KIF26A: variants seen among roughly 807,000 people sequenced by gnomAD.
The protein encoded by KIF26A is kinesin family member 26A.
Under a neutral mutation model 126.0 loss-of-function variants are expected in KIF26A, and 74 were observed. The ratio of observed to expected loss-of-function variants is 0.59; its 90% CI spans 0.49 to 0.71. The LOEUF (loss-of-function observed/expected upper bound fraction) is 0.71, where lower values mean the gene tolerates loss of function less well. Among genes scored for constraint, KIF26A ranks in the 30% least tolerant of loss-of-function variants. The probability of loss-of-function intolerance (pLI) is 0.00; values close to 1 mark genes in which losing one functional copy is unlikely to be tolerated. For synonymous variants in KIF26A, 1,445 were observed against 1,232.7 expected (o/e 1.17, Z -3.61); for missense variants, 2,984 against 2,763.3 (o/e 1.08, Z -1.79).
chr14:104,157,878 A>G lies in KIF26A; in HGVS notation c.859A>G (p.Thr287Ala). The stretch of plus-strand genomic sequence containing the variant: ...TGGAGTCTGCACGTCAGCCCTGGTC[A>G]CCCCCACCCCGGGCTCGGTGGGGGG... The part of the protein sequence containing the change: ...RGGVCTSALV[T>A]PTPGSVGGST... The change falls in exon 4 of 15, where the codon ACC becomes GCC. Residue 287 changes from threonine to alanine, a missense_variant. Thr to Ala is a moderately conservative substitution (Grantham distance 58, BLOSUM62 0). Coordinates refer to ENST00000423312, the MANE Select transcript of KIF26A (RefSeq NM_015656.2). The G allele has an allele frequency of 6.4e-7, 1 of 1,574,672 alleles. No individual in the cohort carries two copies. Among genetic ancestry groups the G allele is most frequent in the Non-Finnish European group, 8.6e-7 (1 of 1,158,320 alleles).
In KIF26A at chr14:104,177,599, C is replaced by T. The variant is rs1223203679; in HGVS notation, c.4811C>T (p.Pro1604Leu). 12 of 1,531,032 alleles carry T rather than the reference C, an allele frequency of 7.8e-6. No individual in the cohort carries two copies. The highest frequency in any genetic ancestry group is 1.0e-5 in the Non-Finnish European group (12 of 1,143,692). The allele number at this position is 1,531,032 out of a possible 1,614,324, so 94.8% of individuals were successfully genotyped here. ...SGVNVGEERP[P>L]TGPALPSPYS... ...GTGAACGTGGGGGAGGAGCGGCCAC[C>T]CACGGGCCCGGCCCTGCCCTCCCCC... Residue 1604 changes from proline (P) to leucine (L), a missense_variant, in exon 12 of 15, where the codon CCC becomes CTC. Transcript: ENST00000423312.
Position 104,176,281 on chromosome 14 carries a change from A to G in KIF26A, c.3493A>G (p.Arg1165Gly). The change falls in exon 12 of 15, where the codon AGA (arginine) becomes GGA (glycine). Residue 1165 changes from arginine to glycine, a missense_variant. Physicochemically the swap from Arg to Gly is moderately radical, Grantham distance 125. Coordinates refer to ENST00000423312, the MANE Select transcript of KIF26A (RefSeq NM_015656.2). ...AAGCTCTGGGTTCCTGGGGCCAGAC[A>G]GACCTGACAGTCCTGGGCCAACCTG... ...DGSSGFLGPD[R>G]PDSPGPTWGP... is the part of the protein sequence containing the mutation. The G allele has an allele frequency of 6.3e-7, 1 of 1,590,864 alleles. No homozygotes were observed. The highest frequency in any genetic ancestry group is 1.7e-5 in the Admixed American group (1 of 58,182).
intron 4 of KIF26A, among the ~76,000 whole-genome samples, chr14:104,161,552 A>G (rs199779080): frequency 1.3e-4 from 20 of 152,356 alleles, no homozygotes; most frequent in East Asian, 3.9e-4. Flanking sequence ...GCCAGGGCCA[A>G]TGAGCCCAGG....
chr14:104,179,171 G>C, intron 13 of KIF26A, 65 bp from the exon 14 acceptor site: 4 of 1,404,826 alleles, frequency 2.8e-6, no homozygotes, highest in Non-Finnish European at 3.7e-6. Context: ...GGCCACATCA[G>C]GGCTGCTTGG....
At position 104,170,103 on chromosome 14, in the gene KIF26A, G is replaced by C. The variant is rs542366473; in HGVS notation, c.1114-1620G>C. Among the ~76,000 whole-genome samples the C allele has an allele frequency of 2.0e-5, 3 of 152,306 alleles. No homozygotes were observed. In the South Asian group the frequency reaches 6.2e-4, roughly 32 times the overall value. On this transcript the variant is annotated intron_variant, in intron 5 of 14. Coordinates refer to ENST00000423312, the MANE Select transcript of KIF26A (RefSeq NM_015656.2). ...GTGGAAAGGGTGGCCGGCAGACGTA[G>C]AGAGCCAAACCGTGAGCCTCTCCAC...
intron 3 of KIF26A, among the ~76,000 whole-genome samples, chr14:104,155,214 G>T (rs2037765504): frequency 6.6e-6 from 1 of 152,186 alleles, no homozygotes; most frequent in South Asian, 2.1e-4. Flanking sequence ...ACCCAGTGAG[G>T]TGTTTATCTG....
chr14:104,175,834 A>G lies in KIF26A; in HGVS notation c.3046A>G (p.Thr1016Ala), dbSNP rs747266055. 7 of 1,538,384 alleles carry G rather than the reference A, an allele frequency of 4.6e-6. No homozygotes were observed. In the East Asian group the frequency reaches 1.7e-4, roughly 38 times the overall value. The change falls in exon 12 of 15, where the codon ACC (threonine) becomes GCC (alanine). Residue 1016 changes from threonine to alanine, a missense_variant. Coordinates refer to ENST00000423312, the MANE Select transcript of KIF26A (RefSeq NM_015656.2). Reference sequence around the variant, plus strand: ...CTGTCCGGAGCGGGGCCTGCTCACCACCACAGTGACCCTGCAGCGGCCAGT... The same window carrying G: ...CTGTCCGGAGCGGGGCCTGCTCACCGCCACAGTGACCCTGCAGCGGCCAGT... ...SRCPERGLLT[T>A]TVTLQRPVEL...
At position 104,173,445 on chromosome 14, in the gene KIF26A, G is replaced by T. The variant is rs763559397; in HGVS notation, c.1799G>T (p.Arg600Leu). ...SRAGCGEDAR[R>L]SSHMLFTLHV... ...GCGGGCTGTGGCGAGGACGCCCGAC[G>T]CAGCTCCCACATGTTGTTCACGCTG... Residue 600 changes from arginine (R) to leucine (L), a missense_variant, in exon 9 of 15, where the codon CGC becomes CTC. Arg to Leu is a moderately radical substitution (Grantham distance 102). Transcript: ENST00000423312. 1.6e-5 allele frequency: 26 copies of T among 1,587,674 alleles called. No individual in the cohort carries two copies. Among genetic ancestry groups the T allele is most frequent in the Non-Finnish European group, 2.1e-5 (25 of 1,167,202 alleles).
chr14:104,172,016 G>C, intron 6 of KIF26A, 81 bp downstream of exon 6: 1 of 1,315,472 alleles, frequency 7.6e-7, no homozygotes, highest in Non-Finnish European at 1.1e-6. Context: ...ATCTGCGCCC[G>C]CTTCTCCGTG....
At position 104,139,282 on chromosome 14, in the gene KIF26A, C is replaced by A; in HGVS notation, c.282C>A (p.Thr94=). The change falls in exon 2 of 15, where the codon ACC becomes ACA. Residue 94 remains threonine (T), a synonymous_variant. Coordinates refer to ENST00000423312, the MANE Select transcript of KIF26A (RefSeq NM_015656.2). ...AWKLVSGPGT[T]LRDPCLSALL... ...AGCTGGTCAGCGGGCCCGGGACCAC[C>A]CTCCGGGTAAGTGACACTTCCTTAG... 1 of 1,507,854 alleles carries A rather than the reference C, an allele frequency of 6.6e-7. No individual in the cohort carries two copies. Among genetic ancestry groups the A allele is most frequent in the East Asian group, 2.6e-5 (1 of 38,864 alleles). The allele number at this position is 1,507,854 out of a possible 1,614,324, so 93.4% of individuals were successfully genotyped here. A position where few individuals can be genotyped will look rare whatever the true frequency, so the allele number is the denominator to read the frequency against.
intron 4 of KIF26A, among the ~76,000 whole-genome samples, chr14:104,165,365 T>A (rs1352815477): frequency 6.8e-6 from 1 of 146,392 alleles, no homozygotes; most frequent in African/African-American, 2.7e-5. Context: ...CGTCTGTGTG[T>A]CCCTGTGTGC....
At chr14:104,173,985 C>T (rs1299782121) in intron 10 of KIF26A, 117 bp downstream of exon 10, 4 of 1,412,816 alleles carry the variant, frequency 2.8e-6, no homozygotes, top group Non-Finnish European at 3.8e-6. Context: ...TTTGCTCCTC[C>T]ACCACCTGAC....
intron 3 of KIF26A, among the ~76,000 whole-genome samples, chr14:104,157,314 C>T (rs755094156): frequency 4.6e-5 from 7 of 152,158 alleles, no homozygotes; most frequent in South Asian, 2.1e-4. Context: ...AAATAGTTAT[C>T]GTGGTTTCTT....
rs375537598 is a variant in KIF26A, at chr14:104,175,607, C to A, written c.2819C>A (p.Ala940Glu). ...GAGCTGCTGGTCCCGGAAAAGGCTG[C>A]AGTGAGTGGAGGCAGGAGGCCACTG... ...WPELLVPEKA[A>E]VSGGRRPLPS... The change falls in exon 12 of 15, where the codon GCA becomes GAA. Residue 940 changes from alanine to glutamate, a missense_variant. By Grantham distance (107) the Ala-to-Glu change is moderately radical. Coordinates refer to ENST00000423312, the MANE Select transcript of KIF26A (RefSeq NM_015656.2). 1 of 1,610,808 alleles carries A rather than the reference C, an allele frequency of 6.2e-7. No individual in the cohort carries two copies. The highest frequency in any genetic ancestry group is 8.5e-7 in the Non-Finnish European group (1 of 1,179,730).
chr14:104,167,122 G>A, intron 5 of KIF26A, 74 bp downstream of exon 5: 1 of 1,375,442 alleles, frequency 7.3e-7, no homozygotes, highest in Non-Finnish European at 9.5e-7. Context: ...GAGGGGTGAG[G>A]GAGTGGAGGG....
At position 104,177,523 on chromosome 14, in the gene KIF26A, G is replaced by A; in HGVS notation, c.4735G>A (p.Gly1579Ser). ...ELSASGAPGR[G>S]GSSWGSADSD... ...GTCAGCCAGTGGAGCCCCGGGCCGA[G>A]GTGGCTCCTCGTGGGGCTCGGCGGA... The change falls in exon 12 of 15, where the codon GGT (glycine) becomes AGT (serine). Residue 1579 changes from glycine (G) to serine (S), a missense_variant. Transcript: ENST00000423312. The A allele has an allele frequency of 1.3e-6, 2 of 1,536,296 alleles. No individual in the cohort carries two copies. Among genetic ancestry groups the A allele is most frequent in the Non-Finnish European group, 8.7e-7 (1 of 1,146,740 alleles).
Position 104,175,988 on chromosome 14 carries a change from C to A in KIF26A, c.3200C>A (p.Ala1067Asp). 1 of 1,580,410 alleles carries A rather than the reference C, an allele frequency of 6.3e-7. No homozygotes were observed. Among genetic ancestry groups the A allele is most frequent in the Non-Finnish European group, 8.5e-7 (1 of 1,169,858 alleles). ...FDSDCSLRALASGSRPVSIIS... is the reference protein window; with the variant it reads ...FDSDCSLRALDSGSRPVSIIS... ...AGTGACTGCTCCCTGCGGGCCCTGGCCTCGGGGTCCCGGCCAGTCAGCATC... is the reference window on the plus strand; with the variant it reads ...AGTGACTGCTCCCTGCGGGCCCTGGACTCGGGGTCCCGGCCAGTCAGCATC... Residue 1067 changes from alanine to aspartate, a missense_variant, in exon 12 of 15, where the codon GCC (alanine) becomes GAC (aspartate). Transcript: ENST00000423312.
Position 104,151,158 on chromosome 14 carries a change from C to T in KIF26A, c.289-857C>T, listed in dbSNP as rs538308421. The stretch of plus-strand genomic sequence containing the variant: ...GTGGCTTGTCTCCTTCTTGCTCCTC[C>T]TCCTCTTCCTGGAAGATGTCACTGC... On this transcript the variant is annotated intron_variant, in intron 2 of 14. Coordinates refer to ENST00000423312, the MANE Select transcript of KIF26A (RefSeq NM_015656.2). The surrounding 1 kb of genome is among the most constrained non-coding windows in gnomAD (Gnocchi z 4.9). Among the ~76,000 whole-genome samples the T allele has an allele frequency of 6.6e-6, 1 of 152,214 alleles. No homozygotes were observed. The highest frequency in any genetic ancestry group is 1.5e-5 in the Non-Finnish European group (1 of 68,028).
chr14:104,166,015 G>A (rs767131347), intron 4 of KIF26A, among the ~76,000 whole-genome samples: 3 of 152,150 alleles, frequency 2.0e-5, no homozygotes, highest in Non-Finnish European at 2.9e-5. Context: ...GCACCTTCTG[G>A]GAGTTCCCTG....
Sources: gnomAD v4.1 joint callset for allele counts (sites outside exome capture counted in the v4.1 genomes callset) on GRCh38, gnomAD v4.1.1 for gene constraint, Gnocchi (gnomAD v3.1) non-coding constraint, MANE v1.5 for transcripts, NCBI Gene and HGNC (gene_info 2026-07-23, HGNC 2026-07-21) for gene names.